RAB11FIP3: variants seen among roughly 807,000 people sequenced by gnomAD.
RAB11FIP3 encodes RAB11 family interacting protein 3, also known as rab11 family-interacting protein 3.
In RAB11FIP3, 17 loss-of-function variants were observed where a neutral mutation model predicts 77.8. That is an observed-to-expected ratio of 0.22 (90% CI 0.15 to 0.33). The LOEUF (loss-of-function observed/expected upper bound fraction) is 0.33, where lower values mean the gene tolerates loss of function less well. RAB11FIP3 is among the 10% of genes least tolerant of loss of function. The pLI is 1.00. For missense variants in RAB11FIP3, 1,005 were observed against 1,011.2 expected (o/e 0.99, Z 0.08); for synonymous variants, 437 against 448.2 (o/e 0.98, Z 0.31).
At chr16:485,656 C>T (rs867516723) in intron 4 of RAB11FIP3, among the ~76,000 whole-genome samples, 2 of 152,218 alleles carry the variant, frequency 1.3e-5, no homozygotes, top group African/African-American at 4.8e-5. Flanking sequence ...TGTGATCCAC[C>T]CACGTTGGCC....
At chr16:444,585 C>T (rs1305405672) in intron 1 of RAB11FIP3, among the ~76,000 whole-genome samples, 2 of 152,208 alleles carry the variant, frequency 1.3e-5, no homozygotes, top group East Asian at 1.9e-4. Flanking sequence ...CCATGGCTCA[C>T]GCCTATAATC....
At position 521,112 on chromosome 16, in the gene RAB11FIP3, C is replaced by CG. The variant is rs927174326; in HGVS notation, c.*278dup. On this transcript the variant is annotated 3_prime_UTR_variant, in exon 14 of 14. Transcript: ENST00000262305. ...GGGCCGTCCATCAGCGCTGACCTTCCGGGGGCCCAGAGCTTCCCAGCCCTG... is the reference window on the plus strand; with the variant it reads ...GGGCCGTCCATCAGCGCTGACCTTCCGGGGGGCCCAGAGCTTCCCAGCCCTG... 1.9e-6 allele frequency: 1 copy of CG among 523,656 alleles called. No homozygotes were observed. The highest frequency in any genetic ancestry group is 1.9e-5 in the African/African-American group (1 of 52,368). The allele number at this position is 523,656 out of a possible 1,614,324, so 32.4% of individuals were successfully genotyped here.
Position 519,737 on chromosome 16 carries a change from G to C in RAB11FIP3, c.1723-17G>C. ...AGGTGCGTGACCCGCATCCAGGGCAGGTGTCCACCCCTGCAGGAGAAGCAG... is the reference window on the plus strand; with the variant it reads ...AGGTGCGTGACCCGCATCCAGGGCACGTGTCCACCCCTGCAGGAGAAGCAG... On this transcript the variant is annotated splice_polypyrimidine_tract_variant and intron_variant, in intron 10 of 13. Transcript: ENST00000262305. 1.2e-6 allele frequency: 2 copies of C among 1,611,026 alleles called. No individual in the cohort carries two copies. The highest frequency in any genetic ancestry group is 1.3e-5 in the African/African-American group (1 of 75,050).
At chr16:463,285 T>A (rs935780911) in intron 2 of RAB11FIP3, among the ~76,000 whole-genome samples, 3 of 152,084 alleles carry the variant, frequency 2.0e-5, no homozygotes, top group Non-Finnish European at 2.9e-5. Context: ...GCAGGTGCAG[T>A]GAGGGAGACG....
chr16:497,086 C>A, intron 6 of RAB11FIP3: 1 of 557,358 alleles, frequency 1.8e-6, no homozygotes, highest in Non-Finnish European at 2.9e-6. Context: ...CGTGTCAGAG[C>A]TTTTGGTGCT....
chr16:506,065 C>T lies in RAB11FIP3; in HGVS notation c.1499+438C>T, dbSNP rs1013452628. ...GCTCAGCAGCAGAAAGCGAAATGAG[C>T]AGTGACTGCTGAGTACGCGACAGGA... On this transcript the variant is annotated intron_variant, in intron 8 of 13. Transcript: ENST00000262305. This position sits in a 1 kb window ranked among gnomAD's most constrained non-coding sequence, Gnocchi z 4.5. Among the ~76,000 whole-genome samples, 1 of 152,232 alleles carries T rather than the reference C, an allele frequency of 6.6e-6. No homozygotes were observed. Among genetic ancestry groups the T allele is most frequent in the African/African-American group, 2.4e-5 (1 of 41,478 alleles).
chr16:444,751 C>A (rs1453527043), intron 1 of RAB11FIP3, among the ~76,000 whole-genome samples: 1 of 150,926 alleles, frequency 6.6e-6, no homozygotes, highest in African/African-American at 2.4e-5. Context: ...TTGGGAGACC[C>A]AGGCAGGCAG....
At chr16:436,625 A>C (rs1160437544) in intron 1 of RAB11FIP3, among the ~76,000 whole-genome samples, 1 of 151,998 alleles carries the variant, frequency 6.6e-6, no homozygotes, top group Non-Finnish European at 1.5e-5. Flanking sequence ...GGGACTATAA[A>C]TGCCTGCCAG....
At chr16:492,487 TCCCGGGAGACCCGAGGCCGCCCAGGGCCC>T (rs1567392520) in intron 5 of RAB11FIP3, among the ~76,000 whole-genome samples, 3,225 of 23,518 alleles carry the variant, frequency 0.14, 307 homozygotes, top group Middle Eastern at 0.23. Context: ...CCCAGGGCCC[TCCCGGGAGACCCGAGGCCGCCCAGGGCCC>T]TCCCGGGAGA....
At chr16:451,054 G>T (rs1340319306) in intron 1 of RAB11FIP3, among the ~76,000 whole-genome samples, 1 of 152,112 alleles carries the variant, frequency 6.6e-6, no homozygotes, top group Non-Finnish European at 1.5e-5. Context: ...AAGCTTGAAT[G>T]TATCCACTTG....
intron 5 of RAB11FIP3, chr16:491,248 G>A: frequency 7.7e-7 from 1 of 1,304,846 alleles, no homozygotes; most frequent in Non-Finnish European, 1.0e-6. Flanking sequence ...CTGCCCGCCT[G>A]AGTGATCTTG....
At chr16:495,900 G>A (rs192665281) in intron 5 of RAB11FIP3, among the ~76,000 whole-genome samples, 277 of 152,258 alleles carry the variant, frequency 1.8e-3, no homozygotes, top group Middle Eastern at 6.8e-3. Context: ...ACAGGCATGC[G>A]CCACCATTCC....
chr16:489,547 G>C lies in RAB11FIP3; in HGVS notation c.1265+547G>C, dbSNP rs116715623. On this transcript the variant is annotated intron_variant, in intron 5 of 13. Transcript: ENST00000262305. ...GGGTACGTACTTCTGAGGGCTAGGG[G>C]CTCCCACGTGGGAGTCAGTCCCTCT... Among the ~76,000 whole-genome samples, 899 of 152,266 alleles carry C rather than the reference G, an allele frequency of 5.9e-3. 11 individuals are homozygous for C. Among genetic ancestry groups the C allele is most frequent in the African/African-American group, 0.021 (856 of 41,566 alleles).
chr16:494,402 C>T (rs1290929547), intron 5 of RAB11FIP3, among the ~76,000 whole-genome samples: 1 of 151,420 alleles, frequency 6.6e-6, no homozygotes. Flanking sequence ...GTGGGCAGAT[C>T]ACGAGGTCAG....
intron 6 of RAB11FIP3, among the ~76,000 whole-genome samples, chr16:502,405 T>C (rs1245358665): frequency 1.3e-5 from 2 of 152,224 alleles, no homozygotes; most frequent in Admixed American, 1.3e-4. Flanking sequence ...CCACAGGAGC[T>C]GGTGCCACAG....
intron 1 of RAB11FIP3, among the ~76,000 whole-genome samples, chr16:451,020 T>C (rs996324644): frequency 6.6e-6 from 1 of 152,098 alleles, no homozygotes; most frequent in African/African-American, 2.4e-5. Flanking sequence ...AAATTCTGTT[T>C]TATTTCCTCA....
At chr16:489,101 T>C in intron 5 of RAB11FIP3, 101 bp downstream of exon 5, 1 of 1,335,294 alleles carries the variant, frequency 7.5e-7, no homozygotes, top group Non-Finnish European at 1.0e-6. Context: ...GAGAACTTGC[T>C]TTCCTTGACG....
chr16:445,132 GA>G (rs926655716), intron 1 of RAB11FIP3, among the ~76,000 whole-genome samples: 1 of 63,412 alleles, frequency 1.6e-5, no homozygotes, highest in Non-Finnish European at 3.2e-5. Context: ...AAAAAAAAAA[GA>G]AAAAAAGATT....
intron 2 of RAB11FIP3, among the ~76,000 whole-genome samples, chr16:469,354 G>C (rs958107421): frequency 6.6e-6 from 1 of 152,056 alleles, no homozygotes; most frequent in African/African-American, 2.4e-5. Context: ...GATTGTAGGC[G>C]TGAGCCACCA....
Sources: gnomAD v4.1 joint callset for allele counts (sites outside exome capture counted in the v4.1 genomes callset) on GRCh38, gnomAD v4.1.1 for gene constraint, Gnocchi (gnomAD v3.1) non-coding constraint, MANE v1.5 for transcripts, NCBI Gene and HGNC (gene_info 2026-07-23, HGNC 2026-07-21) for gene names.